Variants in MATN2 observed in about 807,000 individuals in gnomAD.
MATN2 encodes matrilin 2, also known as matrilin-2.
MATN2 carries 69 observed loss-of-function variants against 103.2 expected under a neutral mutation model. The ratio of observed to expected loss-of-function variants is 0.67; its 90% CI spans 0.55 to 0.82. MATN2 has a LOEUF of 0.82. Among genes scored for constraint, MATN2 ranks in the 40% least tolerant of loss-of-function variants. The pLI is 0.00. For missense variants in MATN2, 1,023 were observed against 1,211.5 expected, an observed-to-expected ratio of 0.84 and a Z score of 2.31; for synonymous variants, 429 against 450.2, an observed-to-expected ratio of 0.95 and a Z score of 0.60.
At chr8:97,878,621 G>A (rs1224309637) in intron 1 of MATN2, among the ~76,000 whole-genome samples, 6 of 152,070 alleles carry the variant, frequency 3.9e-5, no homozygotes, top group East Asian at 1.9e-4. Flanking sequence ...AGAGCAAGGC[G>A]GGGGAATCAC....
intron 7 of MATN2, among the ~76,000 whole-genome samples, chr8:98,001,441 T>G (rs1304295148): frequency 6.6e-6 from 1 of 150,676 alleles, no homozygotes; most frequent in Non-Finnish European, 1.5e-5. Context: ...GAGAAAAGCA[T>G]TTCTCTTTAT....
At position 97,978,993 on chromosome 8, in the gene MATN2, A is replaced by G. The variant is rs1869609; in HGVS notation, c.1066A>G (p.Lys356Glu). The change falls in exon 6 of 19, where the codon AAA (lysine) becomes GAA (glutamate). Residue 356 changes from lysine (K) to glutamate (E), a missense_variant. By Grantham distance (56) the Lys-to-Glu change is moderately conservative (BLOSUM62 1). Transcript: ENST00000254898. The stretch of plus-strand genomic sequence containing the variant: ...TGAAGGATTTGCTCTTAACCCAGAT[A>G]AAAAAACGTGCACAAGTAAGTTACA... ...CHEGFALNPD[K>E]KTCTKIDYCA... is the part of the protein sequence containing the mutation. 976,825 of 1,609,954 alleles carry G rather than the reference A, an allele frequency of 0.61. 306,164 individuals are homozygous for G. The highest frequency in any genetic ancestry group is 0.68 in the Middle Eastern group (4,092 of 6,034).
At chr8:97,898,237 A>G (rs1297878743) in intron 2 of MATN2, among the ~76,000 whole-genome samples, 1 of 152,040 alleles carries the variant, frequency 6.6e-6, no homozygotes, top group Non-Finnish European at 1.5e-5. Flanking sequence ...AAGGTGTACA[A>G]CCTTACCCCT....
chr8:97,891,518 T>C (rs1447226104), intron 2 of MATN2, among the ~76,000 whole-genome samples: 1 of 151,930 alleles, frequency 6.6e-6, no homozygotes, highest in East Asian at 1.9e-4. Context: ...TTGTATTTTT[T>C]GTAGAGACAG....
intron 1 of MATN2, among the ~76,000 whole-genome samples, chr8:97,876,956 T>A (rs958554486): frequency 2.6e-5 from 4 of 151,982 alleles, no homozygotes; most frequent in African/African-American, 9.7e-5. Flanking sequence ...CACACCACAG[T>A]TTTTCTGTAC....
chr8:97,884,963 C>T (rs1563644564), intron 1 of MATN2, among the ~76,000 whole-genome samples: 1 of 152,322 alleles, frequency 6.6e-6, no homozygotes, highest in East Asian at 1.9e-4. Context: ...GGTAAGTAAC[C>T]TGCTCAGGGT....
intron 2 of MATN2, among the ~76,000 whole-genome samples, chr8:97,916,854 G>T (rs765083639): frequency 2.6e-5 from 4 of 152,180 alleles, no homozygotes; most frequent in African/African-American, 2.4e-5. Context: ...AACCACAGTT[G>T]TTGAACCTCA....
At chr8:97,976,362 G>T (rs1353650369) in intron 5 of MATN2, among the ~76,000 whole-genome samples, 1 of 152,186 alleles carries the variant, frequency 6.6e-6, no homozygotes, top group Admixed American at 6.5e-5. Context: ...ACCCTCCTCA[G>T]CCTCCCAAAG....
intron 2 of MATN2, among the ~76,000 whole-genome samples, chr8:97,901,593 T>C (rs1414626816): frequency 6.6e-6 from 1 of 152,188 alleles, no homozygotes; most frequent in African/African-American, 2.4e-5. Flanking sequence ...TGGGTAATCA[T>C]TGATTCATCC....
chr8:97,923,191 T>C lies in MATN2; in HGVS notation c.143-7762T>C, dbSNP rs1809872985. ...GATCATGGCTTGCTGTCTCTCTCTC[T>C]CTGTTCTTCTCTCATCATAAAACAG... is the stretch of plus-strand genomic sequence containing the variant. On this transcript the variant is annotated intron_variant, in intron 2 of 18. Transcript: ENST00000254898. Among the ~76,000 whole-genome samples, 7 of 152,076 alleles carry C rather than the reference T, an allele frequency of 4.6e-5. No homozygotes were observed. The South Asian group carries it at 1.4e-3, about 31-fold the overall frequency.
At chr8:97,870,184 T>A (rs1817844621) in intron 1 of MATN2, among the ~76,000 whole-genome samples, 1 of 152,034 alleles carries the variant, frequency 6.6e-6, no homozygotes, top group Non-Finnish European at 1.5e-5. Flanking sequence ...TCCTCATCTG[T>A]CTAATGAGGA....
At chr8:97,965,994 AC>A (rs1166964025) in intron 5 of MATN2, among the ~76,000 whole-genome samples, 7 of 151,830 alleles carry the variant, frequency 4.6e-5, no homozygotes, top group African/African-American at 1.5e-4. Context: ...CAAAAACAAA[AC>A]AAAAATATTA....
chr8:97,931,031 C>CA lies in MATN2; in HGVS notation c.224dup (p.Val76GlyfsTer17). 1 of 1,613,960 alleles carries CA rather than the reference C, an allele frequency of 6.2e-7. No individual in the cohort carries two copies. The highest frequency in any genetic ancestry group is 8.5e-7 in the Non-Finnish European group (1 of 1,179,858). On this transcript the variant is annotated frameshift_variant, in exon 3 of 19. Transcript: ENST00000254898. LOFTEE classifies it high-confidence loss of function. The surrounding 1 kb of genome is among the most constrained non-coding windows in gnomAD (Gnocchi z 4.1). Reference sequence around the variant, plus strand: ...CGCAGTGTCAACACCCATGACTATGCAAAGGTCAAGGAGTTCATCGTGGAC... The same window carrying CA: ...CGCAGTGTCAACACCCATGACTATGCAAAAGGTCAAGGAGTTCATCGTGGAC...
Position 97,931,642 on chromosome 8 carries a change from A to G in MATN2, c.712+120A>G. 2 of 949,200 alleles carry G rather than the reference A, an allele frequency of 2.1e-6. No homozygotes were observed. Among genetic ancestry groups the G allele is most frequent in the Non-Finnish European group, 3.1e-6 (2 of 652,646 alleles). The allele number at this position is 949,200 out of a possible 1,614,324, so 58.8% of individuals were successfully genotyped here. On this transcript the variant is annotated intron_variant, in intron 3 of 18. Transcript: ENST00000254898. The surrounding 1 kb of genome is among the most constrained non-coding windows in gnomAD (Gnocchi z 4.1). ...CTGTGCTGGCAATAGGTTTTCAACA[A>G]AGGCCAAGATAAACACAACGTGCTC... is the stretch of plus-strand genomic sequence containing the variant.
At chr8:97,959,843 C>G (rs567745683) in intron 4 of MATN2, among the ~76,000 whole-genome samples, 1 of 152,284 alleles carries the variant, frequency 6.6e-6, no homozygotes, top group African/African-American at 2.4e-5. Flanking sequence ...GCATAATAAA[C>G]TATGAAACTC....
intron 5 of MATN2, among the ~76,000 whole-genome samples, chr8:97,965,459 G>A (rs950967309): frequency 3.9e-5 from 6 of 152,142 alleles, no homozygotes; most frequent in Non-Finnish European, 5.9e-5. Context: ...GCCAGGATTT[G>A]AGGTGCAACT....
chr8:97,877,992 A>AAAAAAC (rs1326315770), intron 1 of MATN2, among the ~76,000 whole-genome samples: 1 of 152,112 alleles, frequency 6.6e-6, no homozygotes, highest in Non-Finnish European at 1.5e-5. Flanking sequence ...GTACTAAACC[A>AAAAAAC]AAAAACAAAA....
At position 97,982,036 on chromosome 8, in the gene MATN2, C is replaced by G. The variant is rs114664651; in HGVS notation, c.1081+3028C>G. ...GATCCAGAAGTGGGCCGCCCCAATG[C>G]GTGTGCAGGGAAGAGTGCTGGGAGA... On this transcript the variant is annotated intron_variant, in intron 6 of 18. Coordinates refer to ENST00000254898, the MANE Select transcript of MATN2 (RefSeq NM_002380.5). The surrounding 1 kb of genome is among the most constrained non-coding windows in gnomAD (Gnocchi z 4.3). Among the ~76,000 whole-genome samples, 2 of 152,192 alleles carry G rather than the reference C, an allele frequency of 1.3e-5. No homozygotes were observed. The highest frequency in any genetic ancestry group is 2.9e-5 in the Non-Finnish European group (2 of 68,048).
intron 4 of MATN2, among the ~76,000 whole-genome samples, chr8:97,955,641 C>T (rs184747142): frequency 1.6e-4 from 25 of 152,320 alleles, no homozygotes; most frequent in Admixed American, 1.5e-3. Context: ...TACTAAGCAC[C>T]AACTGTGTGA....
Sources: allele counts gnomAD v4.1 joint callset (sites outside exome capture counted in the v4.1 genomes callset), GRCh38; gene constraint gnomAD v4.1.1; non-coding constraint Gnocchi (gnomAD v3.1); transcripts MANE v1.5; gene names NCBI Gene and HGNC (gene_info 2026-07-23, HGNC 2026-07-21).